The following RNF180 variants were observed in gnomAD, a reference collection of about 807,000 sequenced individuals.
The protein encoded by RNF180 is ring finger protein 180, also known as E3 ubiquitin-protein ligase RNF180.
In RNF180, 38 loss-of-function variants were observed where a neutral mutation model predicts 59.2. That is an observed-to-expected ratio of 0.64 (90% CI 0.50 to 0.84). RNF180 has a LOEUF of 0.84. Ranked by LOEUF, RNF180 falls within the 40% of genes least tolerant of loss-of-function variation. The probability of loss-of-function intolerance (pLI) is 0.00; values close to 1 mark genes in which losing one functional copy is unlikely to be tolerated. For missense variants in RNF180, 705 were observed against 700.9 expected, an observed-to-expected ratio of 1.01 and a Z score of -0.07; for synonymous variants, 262 against 240.3, an observed-to-expected ratio of 1.09 and a Z score of -0.84.
chr5:64,179,886 A>G (rs1286295069), intron 1 of RNF180, among the ~76,000 whole-genome samples: 1 of 152,122 alleles, frequency 6.6e-6, no homozygotes. Flanking sequence ...GTTGCTCCAG[A>G]TCATTTTTAT....
At chr5:64,244,792 T>A (rs1743049957) in intron 5 of RNF180, among the ~76,000 whole-genome samples, 1 of 152,102 alleles carries the variant, frequency 6.6e-6, no homozygotes, top group Non-Finnish European at 1.5e-5. Flanking sequence ...AATCCTCAGA[T>A]TCACCAAGGT....
At chr5:64,328,090 A>C (rs750234143) in intron 6 of RNF180, among the ~76,000 whole-genome samples, 1 of 152,300 alleles carries the variant, frequency 6.6e-6, no homozygotes, top group African/African-American at 2.4e-5. Context: ...TTAAGTTGCA[A>C]ACTGTTCACC....
chr5:64,271,240 T>C (rs887490016), intron 5 of RNF180, among the ~76,000 whole-genome samples: 3 of 152,072 alleles, frequency 2.0e-5, no homozygotes, highest in Non-Finnish European at 2.9e-5. Context: ...GAATACCTAC[T>C]GTTAGTATTT....
At chr5:64,321,697 G>A (rs746800348) in intron 5 of RNF180, among the ~76,000 whole-genome samples, 2 of 152,068 alleles carry the variant, frequency 1.3e-5, no homozygotes, top group Non-Finnish European at 2.9e-5. Flanking sequence ...AAAAGGGCCC[G>A]TATAGCCAAG....
At chr5:64,271,256 C>A in intron 5 of RNF180, among the ~76,000 whole-genome samples, 1 of 151,994 alleles carries the variant, frequency 6.6e-6, no homozygotes, top group Admixed American at 6.6e-5. Flanking sequence ...TATTTTCTGG[C>A]ATTTTAATTA....
chr5:64,243,694 G>T (rs983779933), intron 5 of RNF180, among the ~76,000 whole-genome samples: 1 of 152,194 alleles, frequency 6.6e-6, no homozygotes, highest in Admixed American at 6.5e-5. Flanking sequence ...CTGCCTGCCA[G>T]CTCTGAAGAG....
chr5:64,349,531 T>G (rs950076782), intron 7 of RNF180, among the ~76,000 whole-genome samples: 2 of 152,014 alleles, frequency 1.3e-5, no homozygotes, highest in Non-Finnish European at 2.9e-5. Context: ...GCTGCACCCA[T>G]TAACTCATCA....
chr5:64,215,610 AAATG>A (rs1752579816), intron 4 of RNF180, among the ~76,000 whole-genome samples: 1 of 152,162 alleles, frequency 6.6e-6, no homozygotes, highest in African/African-American at 2.4e-5. Flanking sequence ...AGAATGTAAA[AAATG>A]AATGTGTTTT....
intron 5 of RNF180, among the ~76,000 whole-genome samples, chr5:64,255,105 T>TA (rs1369572601): frequency 6.6e-6 from 1 of 152,180 alleles, no homozygotes; most frequent in African/African-American, 2.4e-5. Flanking sequence ...CTTAATTTTT[T>TA]AAAAAAATTA....
intron 7 of RNF180, among the ~76,000 whole-genome samples, chr5:64,341,430 CAATA>C (rs1745349993): frequency 6.6e-6 from 1 of 152,112 alleles, no homozygotes; most frequent in Non-Finnish European, 1.5e-5. Flanking sequence ...CTGTTGATAT[CAATA>C]AATGGTGTCA....
At chr5:64,295,980 G>A (rs753967921) in intron 5 of RNF180, among the ~76,000 whole-genome samples, 8 of 152,242 alleles carry the variant, frequency 5.3e-5, no homozygotes, top group East Asian at 3.9e-4. Flanking sequence ...ACTTCTGTCC[G>A]CTTGCTTCCA....
intron 5 of RNF180, among the ~76,000 whole-genome samples, chr5:64,231,720 A>G (rs1163915817): frequency 6.6e-6 from 1 of 152,208 alleles, no homozygotes; most frequent in Non-Finnish European, 1.5e-5. Context: ...TGTACCAGCA[A>G]TCTCTGGAGA....
chr5:64,260,583 C>T (rs73761478), intron 5 of RNF180, among the ~76,000 whole-genome samples: 2,518 of 152,222 alleles, frequency 0.017, 73 homozygotes, highest in African/African-American at 0.058. Flanking sequence ...CAATTCCTTT[C>T]AGCATTGACA....
Position 64,213,568 on chromosome 5 carries a change from C to A in RNF180, c.242C>A (p.Thr81Lys). Residue 81 changes from threonine (T) to lysine (K), a missense_variant, in exon 4 of 8, where the codon ACA becomes AAA. Transcript: ENST00000389100. ...CTTTATTACCTGTAGGCCCAGTGGA[C>A]AGTTGGAAAACTGAATTGTCCTTTC... ...ISCLIQKAQWTVGKLNCPFCG... is the reference protein window; with the variant it reads ...ISCLIQKAQWKVGKLNCPFCG... 6.2e-7 allele frequency: 1 copy of A among 1,611,678 alleles called. No homozygotes were observed. The highest frequency in any genetic ancestry group is 8.5e-7 in the Non-Finnish European group (1 of 1,178,176).
At chr5:64,274,977 G>T (rs1741634062) in intron 5 of RNF180, among the ~76,000 whole-genome samples, 1 of 151,864 alleles carries the variant, frequency 6.6e-6, no homozygotes, top group South Asian at 2.1e-4. Context: ...TAAAATATAT[G>T]GTTTGATGAC....
chr5:64,256,238 C>T lies in RNF180; in HGVS notation c.1227+38842C>T, dbSNP rs546784364. Among the ~76,000 whole-genome samples, 492 of 152,230 alleles carry T rather than the reference C, an allele frequency of 3.2e-3. 1 individual carries two copies. The highest frequency in any genetic ancestry group is 0.012 in the African/African-American group (483 of 41,526). Reference sequence around the variant, plus strand: ...CATTTGTCAATTTTGGCTTTTGTTGCCATTGCTTTTGGTGTTTTAGACATG... The same window carrying T: ...CATTTGTCAATTTTGGCTTTTGTTGTCATTGCTTTTGGTGTTTTAGACATG... On this transcript the variant is annotated intron_variant, in intron 5 of 7. Transcript: ENST00000389100.
intron 7 of RNF180, among the ~76,000 whole-genome samples, chr5:64,349,897 T>A (rs1745722423): frequency 6.6e-6 from 1 of 151,908 alleles, no homozygotes; most frequent in Non-Finnish European, 1.5e-5. Context: ...GCAATAAACA[T>A]ATGTGTGTAT....
intron 1 of RNF180, among the ~76,000 whole-genome samples, chr5:64,195,276 A>G (rs931102813): frequency 2.6e-5 from 4 of 152,216 alleles, no homozygotes; most frequent in Non-Finnish European, 4.4e-5. Context: ...GTAAGTCTAA[A>G]AGTTGAATTT....
In RNF180 at chr5:64,300,007, T is replaced by G. The variant is rs995606664; in HGVS notation, c.1228-25179T>G. ...CCCTGCCCATTAGTCACTTAGTAGT[T>G]GGCTCAGTTATCAGATTGACTGCCA... is the stretch of plus-strand genomic sequence containing the variant. On this transcript the variant is annotated intron_variant, in intron 5 of 7. Transcript: ENST00000389100. Among the ~76,000 whole-genome samples the G allele has an allele frequency of 2.0e-5, 3 of 151,788 alleles. No individual in the cohort carries two copies. In the Admixed American group the frequency reaches 2.0e-4, roughly 10 times the overall value.
Sources: gnomAD v4.1 joint callset for allele counts (sites outside exome capture counted in the v4.1 genomes callset) on GRCh38, gnomAD v4.1.1 for gene constraint, MANE v1.5 for transcripts, NCBI Gene and HGNC (gene_info 2026-07-23, HGNC 2026-07-21) for gene names.